The following APCDD1 variants were observed in gnomAD, a reference collection of about 807,000 sequenced individuals.
APCDD1 encodes APC down-regulated 1, also known as protein APCDD1.
Under a neutral mutation model 38.1 loss-of-function variants are expected in APCDD1, and 15 were observed. That is an observed-to-expected ratio of 0.39 (90% CI 0.26 to 0.61). The LOEUF is 0.61. Among genes scored for constraint, APCDD1 ranks in the 20% least tolerant of loss-of-function variants. The pLI is 0.49. For missense variants in APCDD1, 647 were observed against 696.2 expected, an observed-to-expected ratio of 0.93 and a Z score of 0.79; for synonymous variants, 261 against 279.7, an observed-to-expected ratio of 0.93 and a Z score of 0.67.
At chr18:10,478,428 T>C (rs2031057889) in intron 3 of APCDD1, among the ~76,000 whole-genome samples, 1 of 152,200 alleles carries the variant, frequency 6.6e-6, no homozygotes, top group Non-Finnish European at 1.5e-5. Flanking sequence ...CAGCATGGAC[T>C]GGGGACAGCC....
intron 3 of APCDD1, among the ~76,000 whole-genome samples, chr18:10,479,394 C>T (rs1191418025): frequency 4.6e-5 from 7 of 152,212 alleles, no homozygotes; most frequent in African/African-American, 2.4e-5. Flanking sequence ...CACAAGATCA[C>T]ATCAAGTAAT....
At chr18:10,487,300 G>A (rs1413746034) in intron 4 of APCDD1, among the ~76,000 whole-genome samples, 1 of 152,188 alleles carries the variant, frequency 6.6e-6, no homozygotes, top group East Asian at 1.9e-4. Context: ...GTTGCCTGCA[G>A]GCACTCCCAG....
chr18:10,488,929 G>A lies in APCDD1; in HGVS notation c.*891G>A, dbSNP rs933746334. ...TCATTGCAGTTTCCTCTTCCTGGGG[G>A]ACCTGAGCCCTGACTCACTGTCTTA... On this transcript the variant is annotated 3_prime_UTR_variant, in exon 5 of 5. Transcript: ENST00000355285. The A allele has an allele frequency of 6.6e-6, 1 of 152,240 alleles. No homozygotes were observed. Among genetic ancestry groups the A allele is most frequent in the Non-Finnish European group, 1.5e-5 (1 of 68,078 alleles). 9.4% of individuals were successfully genotyped at this position (152,240 alleles called of 1,614,324 possible). A position where few individuals can be genotyped will look rare whatever the true frequency, so the allele number is the denominator to read the frequency against.
chr18:10,462,399 CTGT>C (rs2030568626), intron 1 of APCDD1, among the ~76,000 whole-genome samples: 1 of 148,644 alleles, frequency 6.7e-6, no homozygotes, highest in Non-Finnish European at 1.5e-5. Flanking sequence ...TCCTTCCTTC[CTGT>C]CTTCTTTCCT....
chr18:10,466,222 T>C (rs1348187152), intron 1 of APCDD1, among the ~76,000 whole-genome samples: 1 of 152,152 alleles, frequency 6.6e-6, no homozygotes, highest in Non-Finnish European at 1.5e-5. Context: ...GCAGGGACAC[T>C]GAGGAAATGT....
chr18:10,480,336 A>G (rs990043250), intron 3 of APCDD1, among the ~76,000 whole-genome samples: 2 of 152,248 alleles, frequency 1.3e-5, no homozygotes, highest in Non-Finnish European at 2.9e-5. Flanking sequence ...TCCGAAAAAC[A>G]TCTCAGAAAA....
chr18:10,464,321 C>CACACACACAT (rs1555644307), intron 1 of APCDD1, among the ~76,000 whole-genome samples: 1 of 150,172 alleles, frequency 6.7e-6, no homozygotes, highest in South Asian at 2.1e-4. Context: ...AACACACACA[C>CACACACACAT]ACACACACAC....
At chr18:10,460,848 T>C (rs755002905) in intron 1 of APCDD1, among the ~76,000 whole-genome samples, 2 of 152,214 alleles carry the variant, frequency 1.3e-5, no homozygotes, top group South Asian at 2.1e-4. Flanking sequence ...TGGATGGCTC[T>C]AGCAGAAGTA....
intron 1 of APCDD1, among the ~76,000 whole-genome samples, chr18:10,463,114 A>G (rs1427399879): frequency 6.6e-6 from 1 of 151,280 alleles, no homozygotes; most frequent in Non-Finnish European, 1.5e-5. Flanking sequence ...CTTCTCTTAG[A>G]GCCTCCTATG....
chr18:10,473,120 T>G (rs1386612994), intron 3 of APCDD1, among the ~76,000 whole-genome samples: 2 of 152,230 alleles, frequency 1.3e-5, no homozygotes, highest in Non-Finnish European at 2.9e-5. Context: ...TTTAAAAATC[T>G]TTTTTCTTAT....
chr18:10,461,730 T>G (rs112779828), intron 1 of APCDD1, among the ~76,000 whole-genome samples: 254 of 152,356 alleles, frequency 1.7e-3, no homozygotes, highest in African/African-American at 6.0e-3. Context: ...AGCCATTTTC[T>G]TAATATTTGT....
chr18:10,482,110 T>C (rs566425319), intron 3 of APCDD1, among the ~76,000 whole-genome samples: 1 of 152,196 alleles, frequency 6.6e-6, no homozygotes, highest in African/African-American at 2.4e-5. Context: ...CAGAAGCATC[T>C]CTTGCAAGAA....
In APCDD1 at chr18:10,469,842, C is replaced by G. The variant is rs1042669313; in HGVS notation, c.242+1190C>G. Among the ~76,000 whole-genome samples, 8 of 152,162 alleles carry G rather than the reference C, an allele frequency of 5.3e-5. No homozygotes were observed. Among genetic ancestry groups the G allele is most frequent in the African/African-American group, 9.7e-5 (4 of 41,450 alleles). On this transcript the variant is annotated intron_variant, in intron 2 of 4. Coordinates refer to ENST00000355285, the MANE Select transcript of APCDD1 (RefSeq NM_153000.5). The surrounding 1 kb of genome is among the most constrained non-coding windows in gnomAD (Gnocchi z 5.5). Reference sequence around the variant, plus strand: ...CAAGAGGCTGGCTAGATTGGAGGACCTGCTGGCTGAGAACCCTGTGGCTGG... The same window carrying G: ...CAAGAGGCTGGCTAGATTGGAGGACGTGCTGGCTGAGAACCCTGTGGCTGG...
intron 3 of APCDD1, among the ~76,000 whole-genome samples, chr18:10,480,754 G>A (rs1568007119): frequency 6.6e-6 from 1 of 152,018 alleles, no homozygotes; most frequent in Non-Finnish European, 1.5e-5. Context: ...TGTAGTCCCA[G>A]CTACTTGGGA....
At chr18:10,458,652 A>G (rs2030444508) in intron 1 of APCDD1, among the ~76,000 whole-genome samples, 1 of 152,240 alleles carries the variant, frequency 6.6e-6, no homozygotes, top group Non-Finnish European at 1.5e-5. Flanking sequence ...AAATGAGAAA[A>G]GAACTAAATA....
At position 10,485,681 on chromosome 18, in the gene APCDD1, C is replaced by G. The variant is rs2031234611; in HGVS notation, c.994C>G (p.Pro332Ala). 6.2e-7 allele frequency: 1 copy of G among 1,614,166 alleles called. No homozygotes were observed. The change falls in exon 4 of 5, where the codon CCG becomes GCG. Residue 332 changes from proline (P) to alanine (A), a missense_variant. Pro to Ala is a conservative substitution (Grantham distance 27). Coordinates refer to ENST00000355285, the MANE Select transcript of APCDD1 (RefSeq NM_153000.5). The surrounding 1 kb of genome is among the most constrained non-coding windows in gnomAD (Gnocchi z 5.8). Reference sequence around the variant, plus strand: ...GGGCCACTACTACCACTACTCAGACCCGGTGTGCAAGCACCCCACCTTCTC... The same window carrying G: ...GGGCCACTACTACCACTACTCAGACGCGGTGTGCAAGCACCCCACCTTCTC... ...WEGHYYHYSD[P>A]VCKHPTFSIY...
In APCDD1 at chr18:10,487,565, T is replaced by C. The variant is rs578125813; in HGVS notation, c.1097-25T>C. On this transcript the variant is annotated intron_variant, in intron 4 of 4. Transcript: ENST00000355285. ...ATCCCACGCCTACTCCCTGGAGTCA[T>C]GGAACTCTCCTTTCTCCTTTGCAGT... 8.7e-6 allele frequency: 14 copies of C among 1,612,922 alleles called. No homozygotes were observed. The East Asian group carries it at 2.7e-4, about 31-fold the overall frequency.
At chr18:10,461,778 C>T (rs550602953) in intron 1 of APCDD1, among the ~76,000 whole-genome samples, 29 of 152,294 alleles carry the variant, frequency 1.9e-4, no homozygotes, top group Non-Finnish European at 3.2e-4. Flanking sequence ...CAGATTCACT[C>T]GCAACAAAAT....
intron 1 of APCDD1, among the ~76,000 whole-genome samples, chr18:10,458,993 G>A (rs774889999): frequency 1.3e-5 from 2 of 152,154 alleles, no homozygotes; most frequent in Non-Finnish European, 2.9e-5. Flanking sequence ...CATGTGATAG[G>A]TATGTACATC....
Sources: allele counts gnomAD v4.1 joint callset (sites outside exome capture counted in the v4.1 genomes callset), GRCh38; gene constraint gnomAD v4.1.1; non-coding constraint Gnocchi (gnomAD v3.1); transcripts MANE v1.5; gene names NCBI Gene and HGNC (gene_info 2026-07-23, HGNC 2026-07-21).